Variants in FRMD6 observed in about 807,000 individuals in gnomAD.
FRMD6 encodes the protein FERM domain-containing protein 6.
FRMD6 carries 37 observed loss-of-function variants against 73.2 expected under a neutral mutation model. The ratio of observed to expected loss-of-function variants is 0.51; its 90% CI spans 0.39 to 0.66. The LOEUF is 0.66. Among genes scored for constraint, FRMD6 ranks in the 30% least tolerant of loss-of-function variants. The pLI is 0.00. For synonymous variants in FRMD6, 273 were observed against 282.2 expected (o/e 0.97, Z 0.33); for missense variants, 714 against 780.5 (o/e 0.91, Z 1.02).
chr14:51,465,025 C>G, the FRMD6 span, among the ~76,000 whole-genome samples: 14 of 151,926 alleles, frequency 9.2e-5, no homozygotes, highest in Non-Finnish European at 1.8e-4. Flanking sequence ...TCCAATCAGC[C>G]AAGAACCACC....
intron 1 of FRMD6, chr14:51,546,606 A>C (rs1025757077): frequency 1.5e-5 from 2 of 134,246 alleles, no homozygotes; most frequent in African/African-American, 2.8e-5. Context: ...AAAAAAAAAA[A>C]CCTGTGGTGT....
chr14:51,616,971 C>T (rs935706438), intron 2 of FRMD6, among the ~76,000 whole-genome samples: 5 of 152,126 alleles, frequency 3.3e-5, no homozygotes, highest in Non-Finnish European at 2.9e-5. Context: ...CTTTTTGAAA[C>T]TCACCTCATA....
At chr14:51,548,641 G>T (rs1218058842) in intron 1 of FRMD6, among the ~76,000 whole-genome samples, 1 of 152,200 alleles carries the variant, frequency 6.6e-6, no homozygotes, top group Non-Finnish European at 1.5e-5. Context: ...TTTGGAAGGG[G>T]AAATGTGGGG....
At chr14:51,447,979 A>G in the FRMD6 span, among the ~76,000 whole-genome samples, 5 of 152,340 alleles carry the variant, frequency 3.3e-5, no homozygotes, top group Non-Finnish European at 5.9e-5. Context: ...GCTTAATGCT[A>G]TCACAGAGAA....
intron 2 of FRMD6, among the ~76,000 whole-genome samples, chr14:51,635,292 A>T (rs1247085279): frequency 1.3e-5 from 2 of 152,228 alleles, no homozygotes; most frequent in Non-Finnish European, 2.9e-5. Context: ...GCCACTCTGG[A>T]GACTGAGGCA....
the FRMD6 span, among the ~76,000 whole-genome samples, chr14:51,443,706 T>C: frequency 6.6e-6 from 1 of 152,164 alleles, no homozygotes; most frequent in Non-Finnish European, 1.5e-5. Flanking sequence ...CATCCCCATC[T>C]TCCAAGAGAA....
At chr14:51,624,749 C>T (rs1390394201) in intron 2 of FRMD6, among the ~76,000 whole-genome samples, 1 of 152,102 alleles carries the variant, frequency 6.6e-6, no homozygotes, top group Admixed American at 6.6e-5. Flanking sequence ...TAAACTGCAG[C>T]GCTGAGATAG....
At chr14:51,524,882 A>G (rs985359842) in intron 1 of FRMD6, among the ~76,000 whole-genome samples, 5 of 152,142 alleles carry the variant, frequency 3.3e-5, no homozygotes, top group African/African-American at 1.2e-4. Flanking sequence ...TGTTCAGAAA[A>G]GCCTTTAGGC....
chr14:51,450,113 T>C, the FRMD6 span, among the ~76,000 whole-genome samples: 1 of 152,192 alleles, frequency 6.6e-6, no homozygotes, highest in Non-Finnish European at 1.5e-5. Context: ...AATATACTTA[T>C]AAAATTGAAT....
chr14:51,522,963 T>G (rs1460517327), intron 1 of FRMD6: 3 of 152,168 alleles, frequency 2.0e-5, no homozygotes, highest in Non-Finnish European at 4.4e-5. Context: ...ATGCTTCACA[T>G]TTTACAAAAA....
chr14:51,643,568 C>T (rs902186039), intron 2 of FRMD6: 1 of 152,178 alleles, frequency 6.6e-6, no homozygotes, highest in Non-Finnish European at 1.5e-5. Context: ...CACGAGACCA[C>T]TCAGCGATTA....
At chr14:51,471,907 C>T in the FRMD6 span, among the ~76,000 whole-genome samples, 1 of 152,096 alleles carries the variant, frequency 6.6e-6, no homozygotes, top group Non-Finnish European at 1.5e-5. Flanking sequence ...TTATAAAGGG[C>T]TGGAGGAGGG....
intron 1 of FRMD6, among the ~76,000 whole-genome samples, chr14:51,688,233 G>C (rs1002344178): frequency 6.6e-6 from 1 of 151,960 alleles, no homozygotes; most frequent in Non-Finnish European, 1.5e-5. Context: ...GACCCCATGA[G>C]GTGATGTACT....
chr14:51,421,139 C>T, the FRMD6 span, among the ~76,000 whole-genome samples: 1 of 152,102 alleles, frequency 6.6e-6, no homozygotes, highest in African/African-American at 2.4e-5. Context: ...GGAACCAATC[C>T]CCTACAGATA....
At chr14:51,630,712 A>T (rs1051178925) in intron 2 of FRMD6, among the ~76,000 whole-genome samples, 3 of 152,136 alleles carry the variant, frequency 2.0e-5, no homozygotes, top group Non-Finnish European at 4.4e-5. Context: ...GCACCACTGC[A>T]CTCCAGCCTA....
At chr14:51,515,110 C>T (rs8009065) in intron 1 of FRMD6, among the ~76,000 whole-genome samples, 6,842 of 152,108 alleles carry the variant, frequency 0.045, 273 homozygotes, top group African/African-American at 0.11. Flanking sequence ...GAAGTAGAAC[C>T]ACATCACACA....
chr14:51,668,206 A>G (rs146918856), intron 1 of FRMD6, among the ~76,000 whole-genome samples: 24 of 152,342 alleles, frequency 1.6e-4, no homozygotes, highest in Non-Finnish European at 2.5e-4. Flanking sequence ...TAATTTATAG[A>G]ACTGGTTAGG....
chr14:51,483,685 G>A, the FRMD6 span, among the ~76,000 whole-genome samples: 1 of 152,184 alleles, frequency 6.6e-6, no homozygotes, highest in African/African-American at 2.4e-5. Flanking sequence ...CCATCGTAGG[G>A]TTTTAATCAG....
At chr14:51,516,158 C>G (rs534395205) in intron 1 of FRMD6, among the ~76,000 whole-genome samples, 1 of 152,100 alleles carries the variant, frequency 6.6e-6, no homozygotes, top group Admixed American at 6.5e-5. Context: ...ACTGGTGAAC[C>G]CCTTGCCTTG....
Sources: allele counts gnomAD v4.1 joint callset (sites outside exome capture counted in the v4.1 genomes callset), GRCh38; gene constraint gnomAD v4.1.1; transcripts MANE v1.5; gene names NCBI Gene and HGNC (gene_info 2026-07-23, HGNC 2026-07-21).